Variants in ACACA observed in about 807,000 individuals in gnomAD.
The protein encoded by ACACA is acetyl-CoA carboxylase alpha.
Under a neutral mutation model 296.1 loss-of-function variants are expected in ACACA, and 103 were observed. The ratio of observed to expected loss-of-function variants is 0.35; its 90% CI spans 0.30 to 0.41. The LOEUF (loss-of-function observed/expected upper bound fraction) is 0.41, where lower values mean the gene tolerates loss of function less well. Among genes scored for constraint, ACACA ranks in the 10% least tolerant of loss-of-function variants. ACACA has a pLI of 1.00. For missense variants in ACACA, 1,554 were observed against 2,989.7 expected (o/e 0.52, Z 11.20); for synonymous variants, 953 against 1,038.6 (o/e 0.92, Z 1.58).
chr17:37,250,869 C>T (rs1056181228), intron 16 of ACACA, among the ~76,000 whole-genome samples: 11 of 149,242 alleles, frequency 7.4e-5, no homozygotes, highest in Non-Finnish European at 1.6e-4. Context: ...AATAAAAATA[C>T]AAAAAAAATT....
intron 30 of ACACA, 56 bp from the exon 31 acceptor site, chr17:37,207,856 G>A: frequency 1.3e-6 from 2 of 1,585,844 alleles, no homozygotes; most frequent in Non-Finnish European, 1.7e-6. Context: ...CAAGGACTGG[G>A]AAAGTAACAG....
chr17:37,203,675 G>A (rs529081784), intron 33 of ACACA, among the ~76,000 whole-genome samples: 20 of 152,056 alleles, frequency 1.3e-4, no homozygotes, highest in Non-Finnish European at 1.9e-4. Context: ...CCCAGGAGGC[G>A]GGGGTTGCTG....
At chr17:37,271,897 G>A (rs953095550) in intron 9 of ACACA, among the ~76,000 whole-genome samples, 2 of 152,174 alleles carry the variant, frequency 1.3e-5, no homozygotes, top group Non-Finnish European at 2.9e-5. Context: ...GCTTGAACCT[G>A]AGAGGCAAAG....
At chr17:37,336,069 T>C (rs2048103023) in intron 2 of ACACA, among the ~76,000 whole-genome samples, 1 of 152,172 alleles carries the variant, frequency 6.6e-6, no homozygotes, top group African/African-American at 2.4e-5. Context: ...TTGGACCCTG[T>C]ATCTTTAACC....
At chr17:37,312,196 C>T (rs943660827) in intron 3 of ACACA, among the ~76,000 whole-genome samples, 8 of 151,980 alleles carry the variant, frequency 5.3e-5, no homozygotes, top group African/African-American at 1.9e-4. Context: ...GGAAAAGAGA[C>T]TGAGACACAA....
At chr17:37,394,506 T>C (rs915792676) in intron 1 of ACACA, among the ~76,000 whole-genome samples, 1 of 151,338 alleles carries the variant, frequency 6.6e-6, no homozygotes, top group African/African-American at 2.4e-5. Context: ...CGTGAGCCAC[T>C]GTGCCTAGCC....
At chr17:37,372,133 G>A (rs970802729) in intron 1 of ACACA, among the ~76,000 whole-genome samples, 4 of 152,092 alleles carry the variant, frequency 2.6e-5, no homozygotes, top group Non-Finnish European at 5.9e-5. Flanking sequence ...AGTAGCATAA[G>A]CCAGACGCAG....
At chr17:37,224,689 G>C (rs1339618424) in intron 27 of ACACA, among the ~76,000 whole-genome samples, 2 of 151,746 alleles carry the variant, frequency 1.3e-5, no homozygotes, top group Non-Finnish European at 2.9e-5. Flanking sequence ...AACCAGCCTT[G>C]TCATTTAATT....
At chr17:37,194,786 G>A (rs576517518) in intron 35 of ACACA, among the ~76,000 whole-genome samples, 1 of 151,932 alleles carries the variant, frequency 6.6e-6, no homozygotes, top group Non-Finnish European at 1.5e-5. Context: ...TCTTTTCCTT[G>A]GTATTTTAAC....
At chr17:37,151,671 C>G (rs1567727722) in intron 43 of ACACA, among the ~76,000 whole-genome samples, 1 of 150,726 alleles carries the variant, frequency 6.6e-6, no homozygotes. Context: ...AGCCTTTTTT[C>G]TTTTTTTTTG....
chr17:37,270,904 T>C (rs886158566), intron 9 of ACACA, 43 bp from the exon 10 acceptor site: 11 of 1,503,776 alleles, frequency 7.3e-6, no homozygotes, highest in Non-Finnish European at 9.2e-6. Context: ...ACAGTGTTAT[T>C]ACCAGGGAAG....
chr17:37,394,712 T>A (rs997087503), intron 1 of ACACA, among the ~76,000 whole-genome samples: 8 of 129,872 alleles, frequency 6.2e-5, no homozygotes, highest in Non-Finnish European at 1.2e-4. Context: ...CTATCTCTAC[T>A]AAAAAAAAAA....
At chr17:37,111,852 A>G (rs1411373779) in intron 51 of ACACA, among the ~76,000 whole-genome samples, 3 of 152,166 alleles carry the variant, frequency 2.0e-5, no homozygotes, top group African/African-American at 7.2e-5. Flanking sequence ...GCAAAAAGCA[A>G]TTAAAATAAT....
intron 48 of ACACA, among the ~76,000 whole-genome samples, chr17:37,124,597 C>T (rs1000637162): frequency 6.6e-6 from 1 of 152,184 alleles, no homozygotes; most frequent in African/African-American, 2.4e-5. Flanking sequence ...TACTTCCAAG[C>T]TCCCCACTGG....
chr17:37,302,474 T>G (rs192134917), intron 3 of ACACA, among the ~76,000 whole-genome samples: 1 of 152,104 alleles, frequency 6.6e-6, no homozygotes, highest in African/African-American at 2.4e-5. Flanking sequence ...CCTCCCAAAG[T>G]GCTGGGATTA....
intron 1 of ACACA, among the ~76,000 whole-genome samples, chr17:37,351,040 T>C (rs1422396663): frequency 1.3e-5 from 2 of 152,172 alleles, no homozygotes; most frequent in Non-Finnish European, 2.9e-5. Context: ...CTCGGGAACC[T>C]GAGGCAGGAG....
intron 10 of ACACA, 40 bp from the exon 11 acceptor site, chr17:37,263,934 A>G (rs1350322277): frequency 1.3e-6 from 2 of 1,566,050 alleles, no homozygotes; most frequent in South Asian, 2.2e-5. Context: ...CAATTCTTAA[A>G]TTTTAAACTT....
At chr17:37,383,129 G>T (rs2050377209) in intron 1 of ACACA, among the ~76,000 whole-genome samples, 1 of 152,220 alleles carries the variant, frequency 6.6e-6, no homozygotes, top group African/African-American at 2.4e-5. Context: ...CTCTTAACAT[G>T]TGACACCTTG....
chr17:37,105,496 A>C (rs1267459381), intron 52 of ACACA, among the ~76,000 whole-genome samples: 2 of 151,858 alleles, frequency 1.3e-5, no homozygotes, highest in Non-Finnish European at 2.9e-5. Flanking sequence ...AACAAAACCA[A>C]AACAGTTATA....
Sources: allele counts gnomAD v4.1 joint callset (sites outside exome capture counted in the v4.1 genomes callset), GRCh38; gene constraint gnomAD v4.1.1; transcripts MANE v1.5; gene names NCBI Gene and HGNC (gene_info 2026-07-23, HGNC 2026-07-21).